The following CSMD1 variants were observed in gnomAD, a reference collection of about 807,000 sequenced individuals.
The protein encoded by CSMD1 is CUB and Sushi multiple domains 1.
A neutral mutation model predicts 417.5 loss-of-function variants in CSMD1; 213 were observed. The observed-to-expected ratio is 0.51, with a 90% CI of 0.46 to 0.57. The LOEUF (loss-of-function observed/expected upper bound fraction) is 0.57, where lower values mean the gene tolerates loss of function less well. Ranked by LOEUF, CSMD1 falls within the 20% of genes least tolerant of loss-of-function variation. The pLI is 0.00. For synonymous variants in CSMD1, 2,862 were observed against 1,736.8 expected (o/e 1.65, Z -16.11); for missense variants, 6,923 against 4,529.7 (o/e 1.53, Z -15.17).
chr8:4,607,945 T>C (rs1309898590), intron 2 of CSMD1, among the ~76,000 whole-genome samples: 1 of 152,188 alleles, frequency 6.6e-6, no homozygotes, highest in Non-Finnish European at 1.5e-5. Flanking sequence ...CACTGACATC[T>C]GGCGACTTTC....
chr8:3,498,967 A>G (rs906861727), intron 10 of CSMD1, among the ~76,000 whole-genome samples: 1 of 152,156 alleles, frequency 6.6e-6, no homozygotes, highest in Non-Finnish European at 1.5e-5. Flanking sequence ...TCATTATTTT[A>G]AAAATCATAT....
At chr8:4,808,924 G>A (rs189473543) in intron 1 of CSMD1, among the ~76,000 whole-genome samples, 15 of 152,238 alleles carry the variant, frequency 9.9e-5, no homozygotes, top group Admixed American at 1.3e-4. Flanking sequence ...GATTATTTGG[G>A]GTCAGAGATA....
At chr8:3,902,583 T>C (rs1807827797) in intron 5 of CSMD1, among the ~76,000 whole-genome samples, 1 of 152,050 alleles carries the variant, frequency 6.6e-6, no homozygotes, top group Non-Finnish European at 1.5e-5. Flanking sequence ...ACAGTAGGGT[T>C]CACGATCCTA....
intron 1 of CSMD1, among the ~76,000 whole-genome samples, chr8:4,817,278 G>C (rs1305791170): frequency 6.6e-6 from 1 of 152,132 alleles, no homozygotes; most frequent in African/African-American, 2.4e-5. Context: ...ATGTGTGCCA[G>C]GCCTGCCCAA....
At chr8:4,023,068 G>A (rs180749151) in intron 4 of CSMD1, among the ~76,000 whole-genome samples, 1 of 152,292 alleles carries the variant, frequency 6.6e-6, no homozygotes, top group Admixed American at 6.5e-5. Flanking sequence ...TCTCTTTGCA[G>A]TGAAATATGG....
intron 7 of CSMD1, among the ~76,000 whole-genome samples, chr8:3,661,018 T>G (rs1026735067): frequency 1.3e-5 from 2 of 152,202 alleles, no homozygotes; most frequent in African/African-American, 4.8e-5. Flanking sequence ...AACTGCTATT[T>G]GGTATGCGGA....
At chr8:4,628,900 AAG>A (rs1258989851) in intron 2 of CSMD1, among the ~76,000 whole-genome samples, 1 of 152,148 alleles carries the variant, frequency 6.6e-6, no homozygotes, top group Non-Finnish European at 1.5e-5. Context: ...CTTTTATTAA[AAG>A]AGAATAAAAC....
chr8:3,336,075 G>A (rs908499440), intron 23 of CSMD1, among the ~76,000 whole-genome samples: 10 of 152,176 alleles, frequency 6.6e-5, no homozygotes, highest in Non-Finnish European at 1.2e-4. Flanking sequence ...AGTAACTGAA[G>A]TTAGAAAAAA....
At chr8:3,817,480 C>T (rs1234339254) in intron 5 of CSMD1, among the ~76,000 whole-genome samples, 2 of 151,552 alleles carry the variant, frequency 1.3e-5, no homozygotes, top group Admixed American at 1.3e-4. Flanking sequence ...GGGGTTTCAC[C>T]TCGTTAGCGA....
In CSMD1 at chr8:4,520,838, G is replaced by T. The variant is rs59784819; in HGVS notation, c.303-100773C>A. Among the ~76,000 whole-genome samples the T allele has an allele frequency of 8.5e-3, 1,297 of 152,216 alleles. 21 individuals carry two copies. The highest frequency in any genetic ancestry group is 0.03 in the African/African-American group (1,234 of 41,518). ...CCCTGTAAGTATAACGTATATACCA[G>T]GTTTCTAAGACTTCTTTTAATAGAC... is the stretch of plus-strand genomic sequence containing the variant. On this transcript the variant is annotated intron_variant, in intron 2 of 69. Transcript: ENST00000635120.
At chr8:3,700,036 G>C (rs900913006) in intron 7 of CSMD1, among the ~76,000 whole-genome samples, 1 of 152,144 alleles carries the variant, frequency 6.6e-6, no homozygotes, top group Non-Finnish European at 1.5e-5. Flanking sequence ...TCTTAGTAGA[G>C]ATCAGAGAAC....
At chr8:4,051,145 A>G (rs989606631) in intron 3 of CSMD1, among the ~76,000 whole-genome samples, 1 of 152,118 alleles carries the variant, frequency 6.6e-6, no homozygotes, top group African/African-American at 2.4e-5. Flanking sequence ...AAGAAAAAAG[A>G]CCAGGAGTAG....
chr8:4,735,769 C>T (rs376972426), intron 1 of CSMD1, among the ~76,000 whole-genome samples: 118 of 152,126 alleles, frequency 7.8e-4, no homozygotes, highest in African/African-American at 1.2e-3. Context: ...AGTTGTCAGC[C>T]GAGGATTTGA....
At chr8:3,610,191 T>A (rs1367449306) in intron 8 of CSMD1, among the ~76,000 whole-genome samples, 1 of 152,100 alleles carries the variant, frequency 6.6e-6, no homozygotes, top group East Asian at 1.9e-4. Context: ...AGCTTCCATA[T>A]GAATACAATG....
chr8:4,921,839 A>G (rs1806518975), intron 1 of CSMD1, among the ~76,000 whole-genome samples: 4 of 152,190 alleles, frequency 2.6e-5, no homozygotes, highest in Admixed American at 2.6e-4. Flanking sequence ...GTTCAAGGGA[A>G]CGTTACTCAA....
In CSMD1 at chr8:3,534,366, C is replaced by T. The variant is rs148738570; in HGVS notation, c.1344+40579G>A. Among the ~76,000 whole-genome samples, 202 of 152,052 alleles carry T rather than the reference C, an allele frequency of 1.3e-3. 2 individuals carry two copies. The highest frequency in any genetic ancestry group is 4.1e-3 in the African/African-American group (169 of 41,492). ...ACTCCTCTCAGTTCTCTTTAAATGC[C>T]GTGTTCAGGATTGCTTTGTAGACTC... On this transcript the variant is annotated intron_variant, in intron 10 of 69. Coordinates refer to ENST00000635120, the MANE Select transcript of CSMD1 (RefSeq NM_033225.6).
intron 3 of CSMD1, among the ~76,000 whole-genome samples, chr8:4,043,823 C>G (rs1006762105): frequency 4.6e-5 from 7 of 152,096 alleles, no homozygotes; most frequent in African/African-American, 1.7e-4. Flanking sequence ...CCAAATGAGG[C>G]ATCATTATTC....
chr8:4,572,202 T>C (rs1339347918), intron 2 of CSMD1, among the ~76,000 whole-genome samples: 1 of 152,242 alleles, frequency 6.6e-6, no homozygotes, highest in Admixed American at 6.5e-5. Context: ...ATGCAGTTTC[T>C]TCATAGTGTT....
intron 51 of CSMD1, among the ~76,000 whole-genome samples, chr8:3,025,617 A>G (rs964694507): frequency 7.9e-5 from 12 of 152,260 alleles, no homozygotes; most frequent in African/African-American, 2.4e-4. Context: ...ACTACCAACC[A>G]TCAATATATT....
Sources: gnomAD v4.1 joint callset for allele counts (sites outside exome capture counted in the v4.1 genomes callset) on GRCh38, gnomAD v4.1.1 for gene constraint, MANE v1.5 for transcripts, NCBI Gene and HGNC (gene_info 2026-07-23, HGNC 2026-07-21) for gene names.